The following CIITA variants were observed in gnomAD, a reference collection of about 807,000 sequenced individuals.
CIITA encodes the protein MHC class II transactivator.
CIITA carries 72 observed loss-of-function variants against 115.1 expected under a neutral mutation model. That is an observed-to-expected ratio of 0.63 (90% CI 0.52 to 0.76). The LOEUF (loss-of-function observed/expected upper bound fraction) is 0.76. Among genes scored for constraint, CIITA ranks in the 30% least tolerant of loss-of-function variants. The probability of loss-of-function intolerance (pLI) is 0.00; values close to 1 mark genes in which losing one functional copy is unlikely to be tolerated. For missense variants in CIITA, 1,617 were observed against 1,463.8 expected, an observed-to-expected ratio of 1.10 and a Z score of -1.71; for synonymous variants, 763 against 635.6, an observed-to-expected ratio of 1.20 and a Z score of -3.02.
Position 10,913,865 on chromosome 16 carries a change from C to T in CIITA, c.2889-1705C>T, listed in dbSNP as rs955634752. Among the ~76,000 whole-genome samples the T allele has an allele frequency of 5.9e-5, 9 of 151,820 alleles. No individual in the cohort carries two copies. In the South Asian group the frequency reaches 8.3e-4, roughly 14 times the overall value. On this transcript the variant is annotated intron_variant, in intron 13 of 19. Coordinates refer to ENST00000324288, the MANE Select transcript of CIITA (RefSeq NM_000246.4). ...CTGAGGCAGGAGAATCATTTGAAAC[C>T]GGGAGGCGGAGGTTGCGGTGAGCTG...
At position 10,933,142 on chromosome 16, in the gene CIITA, T is replaced by C. The variant is rs1213713604; in HGVS notation, c.*9287T>C. On this transcript the variant is annotated 3_prime_UTR_variant, in exon 20 of 20. Transcript: ENST00000324288. ...GACAAGTTATCAGCCACTAGATTTT[T>C]TTCCCCCTTTCTGAAACTGTAACCT... 6.6e-6 allele frequency: 1 copy of C among 152,264 alleles called. No individual in the cohort carries two copies. Among genetic ancestry groups the C allele is most frequent in the Non-Finnish European group, 1.5e-5 (1 of 68,084 alleles). 9.4% of individuals were successfully genotyped at this position (152,264 alleles called of 1,614,324 possible).
intron 1 of CIITA, among the ~76,000 whole-genome samples, chr16:10,883,988 T>C (rs1486194840): frequency 6.6e-6 from 1 of 152,230 alleles, no homozygotes; most frequent in East Asian, 1.9e-4. Flanking sequence ...TCAATGAACC[T>C]ACATTGATGC....
intron 18 of CIITA, 55 bp downstream of exon 18, chr16:10,922,545 C>T: frequency 1.3e-6 from 2 of 1,559,510 alleles, no homozygotes; most frequent in Non-Finnish European, 8.8e-7. Context: ...AGGCGTGTGG[C>T]CCAGTGTGAC....
Position 10,929,057 on chromosome 16 carries a change from T to C in CIITA, c.*5202T>C. The C allele has an allele frequency of 3.5e-6, 1 of 288,084 alleles. No homozygotes were observed. The highest frequency in any genetic ancestry group is 5.2e-6 in the Non-Finnish European group (1 of 192,130). The allele number at this position is 288,084 out of a possible 1,614,324, so 17.8% of individuals were successfully genotyped here. On this transcript the variant is annotated 3_prime_UTR_variant, in exon 20 of 20. Coordinates refer to ENST00000324288, the MANE Select transcript of CIITA (RefSeq NM_000246.4). The surrounding 1 kb of genome is among the most constrained non-coding windows in gnomAD (Gnocchi z 4.3). Reference sequence around the variant, plus strand: ...CAGCATGATGTCTGTTTTGCCAACTTGCTGAAGAACGAGTAACCTGAAATG... The same window carrying C: ...CAGCATGATGTCTGTTTTGCCAACTCGCTGAAGAACGAGTAACCTGAAATG...
Position 10,926,890 on chromosome 16 carries a change from A to G in CIITA, c.*3035A>G, listed in dbSNP as rs1208750750. ...AGTGCAAGGGAAATTCAAAGCGCTC[A>G]GAAAGTATTAGCTCAATAAGTGATG... is the stretch of plus-strand genomic sequence containing the variant. On this transcript the variant is annotated 3_prime_UTR_variant, in exon 20 of 20. Transcript: ENST00000324288. 6.6e-6 allele frequency: 1 copy of G among 152,314 alleles called. No individual in the cohort carries two copies. The highest frequency in any genetic ancestry group is 1.5e-5 in the Non-Finnish European group (1 of 68,082). The allele number at this position is 152,314 out of a possible 1,614,324, so 9.4% of individuals were successfully genotyped here.
Position 10,916,442 on chromosome 16 carries a change from G to C in CIITA, c.3045G>C (p.Lys1015Asn). ...TCTCAGCCACCTTCCCCCAGCTGAA[G>C]TCCTTGGAAACCCTCAAGTGAGTGA... ...SQLSATFPQL[K>N]SLETLNLSQN... The change falls in exon 15 of 20, where the codon AAG (lysine) becomes AAC (asparagine). Residue 1015 changes from lysine to asparagine, a missense_variant. By Grantham distance (94) the Lys-to-Asn change is moderately conservative. Coordinates refer to ENST00000324288, the MANE Select transcript of CIITA (RefSeq NM_000246.4). The C allele has an allele frequency of 1.2e-6, 2 of 1,612,560 alleles. No homozygotes were observed. Among genetic ancestry groups the C allele is most frequent in the Non-Finnish European group, 1.7e-6 (2 of 1,179,236 alleles).
rs1320198806 is a variant in CIITA at position 10,906,935 on chromosome 16, T to G, written c.1443T>G (p.Asp481Glu). Residue 481 changes from aspartate (D) to glutamate (E), a missense_variant, in exon 11 of 20, where the codon GAT becomes GAG. By Grantham distance (45) the Asp-to-Glu change is conservative. Coordinates refer to ENST00000324288, the MANE Select transcript of CIITA (RefSeq NM_000246.4). ...SLGPQPLVAA[D>E]EVFSHILKRP... ...GCCCACAGCCACTCGTGGCGGCCGATGAGGTTTTCAGCCACATCTTGAAGA... is the reference window on the plus strand; with the variant it reads ...GCCCACAGCCACTCGTGGCGGCCGAGGAGGTTTTCAGCCACATCTTGAAGA... 3.1e-6 allele frequency: 5 copies of G among 1,613,208 alleles called. No individual in the cohort carries two copies. The African/African-American group carries it at 6.7e-5, about 22-fold the overall frequency.
chr16:10,916,539 G>GT (rs1020318009), intron 15 of CIITA, 80 bp downstream of exon 15: 4 of 1,281,928 alleles, frequency 3.1e-6, no homozygotes, highest in Non-Finnish European at 4.4e-6. Flanking sequence ...ATTTAAATTT[G>GT]TTTTTTTAGA....
At chr16:10,938,603 T>C (rs570936296), downstream of CIITA, 1 of 152,204 alleles carries the variant, frequency 6.6e-6, no homozygotes, top group Non-Finnish European at 1.5e-5. The surrounding 1 kb of genome is among the most constrained non-coding windows in gnomAD (Gnocchi z 4.9). Flanking sequence ...TCTTGAGGTC[T>C]TTCCTGGCGG....
At chr16:10,940,413 A>T (rs1391963750), downstream of CIITA, 2 of 152,258 alleles carry the variant, frequency 1.3e-5, no homozygotes, top group African/African-American at 4.8e-5. This position sits in a 1 kb window ranked among gnomAD's most constrained non-coding sequence, Gnocchi z 4.2. Context: ...AAGCCAGGTA[A>T]TGCAGGAGAG....
chr16:10,906,706 A>G lies in CIITA; in HGVS notation c.1214A>G (p.Lys405Arg), dbSNP rs148904933. 2.5e-6 allele frequency: 4 copies of G among 1,612,476 alleles called. No individual in the cohort carries two copies. In the South Asian group the frequency reaches 3.3e-5, roughly 13 times the overall value. The change falls in exon 11 of 20, where the codon AAG (lysine) becomes AGG (arginine). Residue 405 changes from lysine to arginine, a missense_variant. Lys to Arg is a conservative substitution (Grantham distance 26, BLOSUM62 2). Coordinates refer to ENST00000324288, the MANE Select transcript of CIITA (RefSeq NM_000246.4). The stretch of plus-strand genomic sequence containing the variant: ...CTGGCTGAGGTGCTGTTGGCTGCCA[A>G]GGAGCACCGGCGGCCGCGTGAGACA... ...GGLAEVLLAAKEHRRPRETRV... is the reference protein window; with the variant it reads ...GGLAEVLLAAREHRRPRETRV...
intron 1 of CIITA, 143 bp from the exon 2 acceptor site, chr16:10,895,139 T>C: frequency 3.3e-6 from 3 of 900,220 alleles, no homozygotes; most frequent in Non-Finnish European, 5.3e-6. Flanking sequence ...TCCACCACGC[T>C]GAGCATATAA....
chr16:10,916,401 G>A lies in CIITA; in HGVS notation c.3004G>A (p.Glu1002Lys), dbSNP rs762687010. The change falls in exon 15 of 20, where the codon GAG (glutamate) becomes AAG (lysine). Residue 1002 changes from glutamate to lysine, a missense_variant. By Grantham distance (56) the Glu-to-Lys change is moderately conservative. Coordinates refer to ENST00000324288, the MANE Select transcript of CIITA (RefSeq NM_000246.4). ...GCTGAGTGAGAACAAGATCGGGGAC[G>A]AGGGTGTCTCGCAGCTCTCAGCCAC... ...DALSENKIGDEGVSQLSATFP... is the reference protein window; with the variant it reads ...DALSENKIGDKGVSQLSATFP... 4.5e-5 allele frequency: 72 copies of A among 1,613,874 alleles called. 3 individuals are homozygous for A. In the Middle Eastern group the frequency reaches 7.8e-3, roughly 174 times the overall value.
upstream of CIITA, among the ~76,000 whole-genome samples, chr16:10,872,371 T>G (rs1018068608): frequency 6.6e-6 from 1 of 152,146 alleles, no homozygotes; most frequent in Admixed American, 6.6e-5. Context: ...AATCCACCCA[T>G]CTCAGCTTCC....
intron 11 of CIITA, chr16:10,908,765 T>C: frequency 1.7e-6 from 1 of 602,768 alleles, no homozygotes; most frequent in Non-Finnish European, 2.9e-6. Flanking sequence ...ACCCAAGCTG[T>C]AAGGTCCTAC....
chr16:10,897,750 G>C (rs1035598750), intron 3 of CIITA, among the ~76,000 whole-genome samples: 18 of 152,146 alleles, frequency 1.2e-4, no homozygotes, highest in Non-Finnish European at 2.1e-4. Context: ...CACAGAGTAA[G>C]CATTCAGTAG....
chr16:10,896,926 T>G (rs2038187589), intron 3 of CIITA, among the ~76,000 whole-genome samples: 3 of 152,262 alleles, frequency 2.0e-5, no homozygotes, highest in Admixed American at 2.0e-4. Context: ...CTTCCTTCCC[T>G]TCCTGGGGAT....
chr16:10,883,811 G>A (rs530013834), intron 1 of CIITA, among the ~76,000 whole-genome samples: 95 of 152,292 alleles, frequency 6.2e-4, no homozygotes, highest in African/African-American at 2.2e-3. Flanking sequence ...AGGAGTTGAG[G>A]TGCAATGCAG....
At chr16:10,918,398 C>A (rs1276101986) in intron 15 of CIITA, 42 bp from the exon 16 acceptor site, 1 of 1,550,828 alleles carries the variant, frequency 6.4e-7, no homozygotes, top group South Asian at 1.1e-5. Flanking sequence ...GTGAGGCATG[C>A]AAGTTTGGTC....
Sources: gnomAD v4.1 joint callset for allele counts (sites outside exome capture counted in the v4.1 genomes callset) on GRCh38, gnomAD v4.1.1 for gene constraint, Gnocchi (gnomAD v3.1) non-coding constraint, MANE v1.5 for transcripts, NCBI Gene and HGNC (gene_info 2026-07-23, HGNC 2026-07-21) for gene names.